ZBTB38: variants seen among roughly 807,000 people sequenced by gnomAD.
ZBTB38 encodes the protein zinc finger and BTB domain containing 38.
ZBTB38 carries 20 observed loss-of-function variants against 76.8 expected under a neutral mutation model. That is an observed-to-expected ratio of 0.26 (90% confidence interval 0.18 to 0.38). The LOEUF is 0.38. ZBTB38 is among the 10% of genes least tolerant of loss of function. The pLI, the probability that ZBTB38 is intolerant of heterozygous loss-of-function variation, is 1.00. For missense variants in ZBTB38, 1,082 were observed against 1,482.3 expected, an observed-to-expected ratio of 0.73 and a Z score of 4.43; for synonymous variants, 504 against 544.2, an observed-to-expected ratio of 0.93 and a Z score of 1.03.
intron 2 of ZBTB38, among the ~76,000 whole-genome samples, chr3:141,371,978 G>A (rs1038206982): frequency 6.6e-6 from 1 of 152,192 alleles, no homozygotes; most frequent in Non-Finnish European, 1.5e-5. Context: ...TAGTTCTCTA[G>A]TTTTGTCAAT....
chr3:141,338,695 T>C (rs1054268432), intron 1 of ZBTB38, among the ~76,000 whole-genome samples: 1 of 152,326 alleles, frequency 6.6e-6, no homozygotes, highest in East Asian at 1.9e-4. Flanking sequence ...TATCAGGTAC[T>C]ATGCTTGTTA....
chr3:141,374,822 T>C (rs1192576875), intron 2 of ZBTB38, among the ~76,000 whole-genome samples: 1 of 152,224 alleles, frequency 6.6e-6, no homozygotes, highest in Non-Finnish European at 1.5e-5. Flanking sequence ...TGATTCACTT[T>C]AGTGTTCTAC....
chr3:141,441,032 C>CAAAAAA (rs202075469), intron 5 of ZBTB38, among the ~76,000 whole-genome samples: 11 of 64,436 alleles, frequency 1.7e-4, no homozygotes, highest in Non-Finnish European at 2.6e-4. Flanking sequence ...GACTCAATCT[C>CAAAAAA]AAAAAAAAAA....
At chr3:141,358,618 T>A (rs1174132155) in intron 1 of ZBTB38, among the ~76,000 whole-genome samples, 1 of 152,172 alleles carries the variant, frequency 6.6e-6, no homozygotes, top group Non-Finnish European at 1.5e-5. Context: ...ATAATTCAAA[T>A]TTTTTTAGTA....
Position 141,442,620 on chromosome 3 carries a change from G to A in ZBTB38, c.232G>A (p.Asp78Asn), listed in dbSNP as rs1395548776. Residue 78 changes from aspartate to asparagine, a missense_variant, in exon 6 of 6, where the codon GAT (aspartate) becomes AAT (asparagine). Transcript: ENST00000321464. The surrounding 1 kb of genome is among the most constrained non-coding windows in gnomAD (Gnocchi z 6.4). ...CISSHVLELD[D>N]LKAEVFTEIL... ...TTCCAGCCACGTCCTGGAGCTGGAC[G>A]ATCTCAAAGCTGAAGTGTTTACTGA... The A allele has an allele frequency of 6.2e-7, 1 of 1,614,118 alleles. No individual in the cohort carries two copies. The highest frequency in any genetic ancestry group is 1.1e-5 in the South Asian group (1 of 91,068).
intron 1 of ZBTB38, among the ~76,000 whole-genome samples, chr3:141,346,817 G>GTGTGTGTGTGTGTGTGTGTGTGTGTGT (rs1559915420): frequency 1.7e-5 from 1 of 59,772 alleles, no homozygotes; most frequent in African/African-American, 6.9e-5. Context: ...TGTGTGTGTG[G>GTGTGTGTGTGTGTGTGTGTGTGTGTGT]TGCAATGCTC....
Position 141,442,689 on chromosome 3 carries a change from C to G in ZBTB38, c.301C>G (p.Gln101Glu). ...IYSSTVVVKR[Q>E]ETVTDLAAAG... is the part of the protein sequence containing the mutation. ...CAGTTCCACAGTCGTTGTCAAGAGA[C>G]AGGAAACAGTCACTGATCTCGCAGC... Residue 101 changes from glutamine to glutamate, a missense_variant, in exon 6 of 6, where the codon CAG becomes GAG. Gln to Glu is a conservative substitution (Grantham distance 29, BLOSUM62 2). This residue lies in a region of ZBTB38 where 68 missense variants were observed against 153.0 expected (regional missense o/e 0.44). Coordinates refer to ENST00000321464, the MANE Select transcript of ZBTB38 (RefSeq NM_001376113.1). The surrounding 1 kb of genome is among the most constrained non-coding windows in gnomAD (Gnocchi z 6.4). 1 of 1,614,112 alleles carries G rather than the reference C, an allele frequency of 6.2e-7. No homozygotes were observed. The highest frequency in any genetic ancestry group is 8.5e-7 in the Non-Finnish European group (1 of 1,180,042).
At chr3:141,327,414 G>A (rs1276232549) in intron 1 of ZBTB38, among the ~76,000 whole-genome samples, 1 of 152,188 alleles carries the variant, frequency 6.6e-6, no homozygotes, top group Non-Finnish European at 1.5e-5. Flanking sequence ...TACCTCTGCG[G>A]TCTTCCTCCC....
rs1034699666 is a variant in ZBTB38, at chr3:141,325,586, T to G, written c.-739+1130T>G. ...CACTATATTTGTATACTTCCTTAAT[T>G]TGGGGAAAATAAAATGTAACCTAGG... On this transcript the variant is annotated intron_variant, in intron 1 of 7. Coordinates refer to the ZBTB38 transcript ENST00000509842. Among the ~76,000 whole-genome samples the G allele has an allele frequency of 2.0e-5, 3 of 152,210 alleles. No homozygotes were observed. In the East Asian group the frequency reaches 5.8e-4, roughly 29 times the overall value.
intron 5 of ZBTB38, among the ~76,000 whole-genome samples, chr3:141,408,436 A>G (rs912938616): frequency 6.6e-6 from 1 of 152,158 alleles, no homozygotes; most frequent in African/African-American, 2.4e-5. Flanking sequence ...AGCCCCAGCT[A>G]CTTGTGAGGC....
chr3:141,399,916 A>G (rs1577051715), intron 4 of ZBTB38, among the ~76,000 whole-genome samples: 1 of 149,774 alleles, frequency 6.7e-6, no homozygotes, highest in African/African-American at 2.4e-5. Flanking sequence ...ATAAGGAAGC[A>G]TATTGTGGGA....
In ZBTB38 at chr3:141,395,853, A is replaced by G. The variant is rs536228165; in HGVS notation, c.-105-8074A>G. ...TGCATATAAAAGTTGTGTTTGCATT[A>G]TACTGTAGTCTATTAAGTGTGTAGT... On this transcript the variant is annotated intron_variant, in intron 4 of 5. Transcript: ENST00000321464. Among the ~76,000 whole-genome samples the G allele has an allele frequency of 3.3e-5, 5 of 152,358 alleles. No homozygotes were observed. The South Asian group carries it at 6.2e-4, about 19-fold the overall frequency.
chr3:141,404,522 C>T (rs574302556), intron 5 of ZBTB38, among the ~76,000 whole-genome samples: 2 of 152,170 alleles, frequency 1.3e-5, no homozygotes, highest in Admixed American at 1.3e-4. Flanking sequence ...GGGACACTTG[C>T]AGCTGTCGCA....
chr3:141,398,882 A>C (rs908971342), intron 4 of ZBTB38, among the ~76,000 whole-genome samples: 41 of 152,356 alleles, frequency 2.7e-4, no homozygotes, highest in Middle Eastern at 3.4e-3. Context: ...TTATTTGTTC[A>C]AGGCTCAAAT....
intron 5 of ZBTB38, among the ~76,000 whole-genome samples, chr3:141,411,062 TTA>T (rs1212853628): frequency 6.6e-6 from 1 of 152,182 alleles, no homozygotes; most frequent in Non-Finnish European, 1.5e-5. Context: ...CCTGTTTTAT[TTA>T]TGTTATTTTT....
rs2081361663 is a variant in ZBTB38, at chr3:141,449,744, A to T, written c.*3768A>T. On this transcript the variant is annotated 3_prime_UTR_variant, in exon 6 of 6. Coordinates refer to ENST00000321464, the MANE Select transcript of ZBTB38 (RefSeq NM_001376113.1). ...ATTATGTACAAGAACAACAGATTTA[A>T]TATTGAAAGCATCTGTAACAATTGG... 6.6e-6 allele frequency: 1 copy of T among 152,238 alleles called. No individual in the cohort carries two copies. Among genetic ancestry groups the T allele is most frequent in the Admixed American group, 6.5e-5 (1 of 15,284 alleles). 9.4% of individuals were successfully genotyped at this position (152,238 alleles called of 1,614,324 possible). A position where few individuals can be genotyped will look rare whatever the true frequency, so the allele number is the denominator to read the frequency against.
chr3:141,386,683 T>A (rs1440216236), intron 3 of ZBTB38, 189 bp from the exon 4 acceptor site: 1 of 152,670 alleles, frequency 6.6e-6, no homozygotes, highest in Admixed American at 6.5e-5. Context: ...GCTTATTTTC[T>A]TCCTTAGCAA....
rs1178755677 is a variant in ZBTB38, at chr3:141,449,755, A to G, written c.*3779A>G. The G allele has an allele frequency of 6.6e-6, 1 of 152,254 alleles. No homozygotes were observed. The highest frequency in any genetic ancestry group is 1.9e-4 in the East Asian group (1 of 5,204). 9.4% of individuals were successfully genotyped at this position (152,254 alleles called of 1,614,324 possible). On this transcript the variant is annotated 3_prime_UTR_variant, in exon 6 of 6. Transcript: ENST00000321464. ...GAACAACAGATTTAATATTGAAAGCATCTGTAACAATTGGGAAAGTAAAAG... is the reference window on the plus strand; with the variant it reads ...GAACAACAGATTTAATATTGAAAGCGTCTGTAACAATTGGGAAAGTAAAAG...
Position 141,444,755 on chromosome 3 carries a change from G to A in ZBTB38, c.2367G>A (p.Pro789=), listed in dbSNP as rs374727214. The A allele has an allele frequency of 4.2e-5, 67 of 1,613,990 alleles. No individual in the cohort carries two copies. Among genetic ancestry groups the A allele is most frequent in the Admixed American group, 2.2e-4 (13 of 59,992 alleles). ...KTTSHTRGEI[P]EESNYVADPG... ...CATCACATACCAGGGGAGAAATACC[G>A]GAGGAGTCAAACTATGTTGCTGATC... The change falls in exon 6 of 6, where the codon CCG becomes CCA. Residue 789 remains proline (P), a synonymous_variant. Transcript: ENST00000321464. This position sits in a 1 kb window ranked among gnomAD's most constrained non-coding sequence, Gnocchi z 5.1.
Sources: gnomAD v4.1 joint callset for allele counts (sites outside exome capture counted in the v4.1 genomes callset) on GRCh38, gnomAD v4.1.1 for gene constraint, gnomAD v4.1.1 regional missense constraint, Gnocchi (gnomAD v3.1) non-coding constraint, MANE v1.5 for transcripts, NCBI Gene and HGNC (gene_info 2026-07-23, HGNC 2026-07-21) for gene names.